ROBO2: variants seen among roughly 807,000 people sequenced by gnomAD.
The protein encoded by ROBO2 is roundabout guidance receptor 2, also known as roundabout homolog 2.
In ROBO2, 53 loss-of-function variants were observed where a neutral mutation model predicts 160.8. The observed-to-expected ratio is 0.33, with a 90% CI of 0.26 to 0.41. The LOEUF is 0.41. ROBO2 is among the 10% of genes least tolerant of loss of function. ROBO2 has a pLI of 1.00. For missense variants in ROBO2, 1,577 were observed against 1,722.4 expected (o/e 0.92, Z 1.49); for synonymous variants, 664 against 611.7 (o/e 1.09, Z -1.26).
chr3:76,491,629 GA>G (rs1457967595), intron 2 of ROBO2, among the ~76,000 whole-genome samples: 2 of 152,106 alleles, frequency 1.3e-5, no homozygotes, highest in African/African-American at 4.8e-5. Flanking sequence ...TTATTACATT[GA>G]AAAATTATAC....
chr3:77,093,010 A>G (rs551275716), intron 1 of ROBO2, among the ~76,000 whole-genome samples: 22 of 152,192 alleles, frequency 1.4e-4, no homozygotes, highest in Admixed American at 3.9e-4. Flanking sequence ...TTCACAGGCT[A>G]TGTAAGTTTT....
At chr3:76,431,718 A>C (rs767494162) in intron 2 of ROBO2, among the ~76,000 whole-genome samples, 3 of 152,164 alleles carry the variant, frequency 2.0e-5, no homozygotes, top group Admixed American at 1.3e-4. Flanking sequence ...GACAAATAAA[A>C]AAATAAAGAA....
intron 2 of ROBO2, among the ~76,000 whole-genome samples, chr3:76,012,498 T>G (rs1440852602): frequency 6.6e-6 from 1 of 152,198 alleles, no homozygotes; most frequent in Non-Finnish European, 1.5e-5. Context: ...TTTTAATTAA[T>G]TCAATAAGCA....
chr3:76,383,884 G>A (rs1160313322), intron 2 of ROBO2, among the ~76,000 whole-genome samples: 2 of 152,160 alleles, frequency 1.3e-5, no homozygotes, highest in African/African-American at 2.4e-5. Flanking sequence ...AATTTTCTAT[G>A]CGTCAGGGAA....
intron 2 of ROBO2, among the ~76,000 whole-genome samples, chr3:76,355,094 G>T (rs565427872): frequency 2.4e-4 from 37 of 151,202 alleles, no homozygotes; most frequent in Middle Eastern, 3.4e-3. Flanking sequence ...GTTTGCAAGT[G>T]ATGCTATTAT....
chr3:77,331,179 T>G (rs184824051), intron 2 of ROBO2, among the ~76,000 whole-genome samples: 87 of 152,336 alleles, frequency 5.7e-4, no homozygotes, highest in African/African-American at 1.9e-3. Context: ...GTAATTACAG[T>G]GTTTCTTGCT....
At chr3:76,993,228 G>T (rs992990924) in intron 2 of ROBO2, among the ~76,000 whole-genome samples, 6 of 152,110 alleles carry the variant, frequency 3.9e-5, no homozygotes, top group African/African-American at 1.2e-4. Flanking sequence ...ATCAATTTTT[G>T]TCTCATCTTC....
At chr3:76,609,636 T>C (rs2087931802) in intron 2 of ROBO2, among the ~76,000 whole-genome samples, 1 of 152,208 alleles carries the variant, frequency 6.6e-6, no homozygotes, top group African/African-American at 2.4e-5. Context: ...TTTGGGTTTT[T>C]CCCAATATAA....
At chr3:77,113,406 A>C (rs2073875519) in intron 2 of ROBO2, among the ~76,000 whole-genome samples, 2 of 152,214 alleles carry the variant, frequency 1.3e-5, no homozygotes, top group African/African-American at 4.8e-5. Context: ...ATCCTTCCTA[A>C]GTACTTATTT....
chr3:77,224,222 A>G (rs2086191471), intron 2 of ROBO2, among the ~76,000 whole-genome samples: 1 of 151,998 alleles, frequency 6.6e-6, no homozygotes, highest in Non-Finnish European at 1.5e-5. Flanking sequence ...AAGTAAAAGG[A>G]GTTTTTGAAC....
At chr3:76,477,364 T>A (rs2078982390) in intron 2 of ROBO2, among the ~76,000 whole-genome samples, 1 of 152,144 alleles carries the variant, frequency 6.6e-6, no homozygotes, top group Non-Finnish European at 1.5e-5. Flanking sequence ...CAGATGATTA[T>A]AAATATTTTT....
intron 2 of ROBO2, among the ~76,000 whole-genome samples, chr3:76,411,011 G>A (rs2075456989): frequency 6.6e-6 from 1 of 151,926 alleles, no homozygotes; most frequent in Admixed American, 6.6e-5. Context: ...TCCATCCAGG[G>A]ACCTGGATTT....
chr3:77,481,663 C>A (rs528158937), intron 4 of ROBO2, among the ~76,000 whole-genome samples: 1 of 152,208 alleles, frequency 6.6e-6, no homozygotes, highest in Admixed American at 6.5e-5. Flanking sequence ...ATAATTTCAA[C>A]TCTTGATAAA....
chr3:75,996,097 A>G (rs1479100113), intron 2 of ROBO2, among the ~76,000 whole-genome samples: 1 of 152,008 alleles, frequency 6.6e-6, no homozygotes, highest in Non-Finnish European at 1.5e-5. Flanking sequence ...GAATGAGGTA[A>G]GACTTCAGGG....
chr3:76,514,208 T>C (rs904401440), intron 2 of ROBO2, among the ~76,000 whole-genome samples: 5 of 152,256 alleles, frequency 3.3e-5, no homozygotes, highest in Middle Eastern at 3.4e-3. Flanking sequence ...TGTTGCTCTG[T>C]TTCCTGTGTT....
At chr3:77,225,596 C>A (rs1397772373) in intron 2 of ROBO2, among the ~76,000 whole-genome samples, 1 of 151,804 alleles carries the variant, frequency 6.6e-6, no homozygotes, top group Non-Finnish European at 1.5e-5. Context: ...AAATAAGCAC[C>A]TCTGTGGGTC....
intron 2 of ROBO2, among the ~76,000 whole-genome samples, chr3:77,294,725 T>C (rs2061827176): frequency 6.8e-6 from 1 of 146,778 alleles, no homozygotes; most frequent in South Asian, 2.1e-4. Flanking sequence ...TGAAGTAAAA[T>C]TGATGGTTAA....
rs916869151 is a variant in ROBO2 at position 77,077,626 on chromosome 3, C to T, written c.62-20388C>T. 2.6e-5 allele frequency among the ~76,000 whole-genome samples: 4 copies of T among 152,118 alleles called. No individual in the cohort carries two copies. In the East Asian group the frequency reaches 5.8e-4, roughly 22 times the overall value. ...TAAAATGGAAGCTGGGACCTTGGTC[C>T]GTCGTCAACTGGACTCTCCAGTCTT... On this transcript the variant is annotated intron_variant, in intron 1 of 25. Coordinates refer to ENST00000461745, the Ensembl canonical transcript of ROBO2.
intron 2 of ROBO2, among the ~76,000 whole-genome samples, chr3:76,966,678 C>T (rs1174817526): frequency 6.6e-6 from 1 of 152,194 alleles, no homozygotes; most frequent in Non-Finnish European, 1.5e-5. Context: ...TATGTGACTT[C>T]CAGCTAGTTC....
Sources: gnomAD v4.1 joint callset for allele counts (sites outside exome capture counted in the v4.1 genomes callset) on GRCh38, gnomAD v4.1.1 for gene constraint, MANE v1.5 for transcripts, NCBI Gene and HGNC (gene_info 2026-07-23, HGNC 2026-07-21) for gene names.